Variants in KCNMA1 observed in about 807,000 individuals in gnomAD.
KCNMA1 encodes the protein Calcium-activated potassium channel subunit alpha-1.
KCNMA1 carries 29 observed loss-of-function variants against 140.0 expected under a neutral mutation model. That is an observed-to-expected ratio of 0.21 (90% CI 0.15 to 0.28). The LOEUF is 0.28. Among genes scored for constraint, KCNMA1 ranks in the 10% least tolerant of loss-of-function variants. The probability of loss-of-function intolerance (pLI) is 1.00; values close to 1 mark genes in which losing one functional copy is unlikely to be tolerated. For synonymous variants in KCNMA1, 612 were observed against 611.9 expected (o/e 1.00, Z 0.00); for missense variants, 880 against 1,602.2 (o/e 0.55, Z 7.70).
intron 1 of KCNMA1, among the ~76,000 whole-genome samples, chr10:77,446,724 C>T (rs527981188): frequency 2.3e-4 from 35 of 152,312 alleles, no homozygotes; most frequent in Admixed American, 1.3e-4. Context: ...GAAAGACAGG[C>T]TTCAGAAGAT....
At chr10:76,897,257 T>C (rs2042977334) in intron 25 of KCNMA1, among the ~76,000 whole-genome samples, 1 of 150,646 alleles carries the variant, frequency 6.6e-6, no homozygotes, top group Non-Finnish European at 1.5e-5. Context: ...AAATAACCTG[T>C]CCTGAGCTGG....
intron 1 of KCNMA1, among the ~76,000 whole-genome samples, chr10:77,548,760 T>A (rs2062026552): frequency 6.6e-6 from 1 of 152,184 alleles, no homozygotes; most frequent in Non-Finnish European, 1.5e-5. Flanking sequence ...TCTTCTTCTG[T>A]CAAATGGATT....
intron 1 of KCNMA1, among the ~76,000 whole-genome samples, chr10:77,514,054 T>C (rs1244716006): frequency 6.6e-6 from 1 of 152,262 alleles, no homozygotes; most frequent in Non-Finnish European, 1.5e-5. Flanking sequence ...TTTAGAAGTT[T>C]CGCAGGCTGA....
chr10:77,167,139 C>T (rs1597693812), intron 5 of KCNMA1, among the ~76,000 whole-genome samples: 1 of 152,166 alleles, frequency 6.6e-6, no homozygotes. Context: ...TCCTACCCTT[C>T]CCTGCCTCAG....
At chr10:77,314,109 A>T (rs1007247648) in intron 2 of KCNMA1, 2 of 152,210 alleles carry the variant, frequency 1.3e-5, no homozygotes, top group South Asian at 4.1e-4. Context: ...AGTACATCAC[A>T]TGTAGTAAAG....
chr10:76,870,571 G>A (rs1429548771), exon 28 of KCNMA1: 2 of 152,272 alleles, frequency 1.3e-5, no homozygotes, highest in African/African-American at 2.4e-5. Context: ...AAAGCAAGGT[G>A]GTCGTAGCAT....
intron 25 of KCNMA1, among the ~76,000 whole-genome samples, chr10:76,894,026 T>C (rs1046551236): frequency 6.6e-6 from 1 of 152,186 alleles, no homozygotes; most frequent in Non-Finnish European, 1.5e-5. Context: ...AGCAATCTTA[T>C]AGCCTTATAA....
chr10:77,166,698 T>A (rs2098646438), intron 5 of KCNMA1, among the ~76,000 whole-genome samples: 2 of 146,876 alleles, frequency 1.4e-5, no homozygotes, highest in Admixed American at 6.8e-5. Flanking sequence ...GGAGGAGGAG[T>A]TTTAACTGAA....
At chr10:77,247,564 C>T (rs2058812855) in intron 3 of KCNMA1, among the ~76,000 whole-genome samples, 1 of 152,070 alleles carries the variant, frequency 6.6e-6, no homozygotes, top group South Asian at 2.1e-4. Flanking sequence ...ACAGGGTTGG[C>T]GTTGGTGTCG....
chr10:77,570,614 C>G (rs1435231357), intron 1 of KCNMA1, among the ~76,000 whole-genome samples: 1 of 89,514 alleles, frequency 1.1e-5, no homozygotes, highest in Admixed American at 1.1e-4. Context: ...GGAGGGATAG[C>G]ATTGGGAGAT....
intron 2 of KCNMA1, among the ~76,000 whole-genome samples, chr10:77,364,941 G>A (rs1247501061): frequency 1.3e-5 from 2 of 152,170 alleles, no homozygotes; most frequent in African/African-American, 4.8e-5. Flanking sequence ...ATCTGAACCT[G>A]CTTACAAAGC....
rs41281554 is a variant in KCNMA1, at chr10:76,887,970, C to A, written c.3462-455G>T. On this transcript the variant is annotated intron_variant, in intron 27 of 27. Coordinates refer to ENST00000286628, the MANE Select transcript of KCNMA1 (RefSeq NM_001161352.2). ...ATTCTCGCTCTTTACCTTTTAAAAT[C>A]TACTTTGGTGAGAGAATTTGGAATT... The A allele has an allele frequency of 8.1e-3, 1,418 of 174,456 alleles. 14 individuals carry two copies. Among genetic ancestry groups the A allele is most frequent in the Non-Finnish European group, 9.5e-3 (760 of 80,306 alleles). The allele number at this position is 174,456 out of a possible 1,614,324, so 10.8% of individuals were successfully genotyped here.
At chr10:77,037,711 C>T (rs1447401180) in intron 15 of KCNMA1, among the ~76,000 whole-genome samples, 1 of 152,188 alleles carries the variant, frequency 6.6e-6, no homozygotes, top group Non-Finnish European at 1.5e-5. Flanking sequence ...ATAAGACTCC[C>T]GCAGGCGCTG....
chr10:76,937,015 C>A (rs1281710683), intron 23 of KCNMA1, among the ~76,000 whole-genome samples: 1 of 152,162 alleles, frequency 6.6e-6, no homozygotes, highest in African/African-American at 2.4e-5. Flanking sequence ...CAAGAACATG[C>A]TGGATATCCT....
chr10:77,462,418 T>A (rs770496263), intron 1 of KCNMA1, among the ~76,000 whole-genome samples: 1 of 152,158 alleles, frequency 6.6e-6, no homozygotes, highest in Non-Finnish European at 1.5e-5. Flanking sequence ...AACACAAATG[T>A]ATGCACTCAA....
intron 1 of KCNMA1, among the ~76,000 whole-genome samples, chr10:77,461,053 C>A (rs1450410988): frequency 6.6e-6 from 1 of 151,980 alleles, no homozygotes; most frequent in Non-Finnish European, 1.5e-5. Flanking sequence ...TTGCAGTAAG[C>A]CAAGATCACA....
intron 3 of KCNMA1, among the ~76,000 whole-genome samples, chr10:77,186,388 C>T (rs967877792): frequency 9.2e-5 from 13 of 140,722 alleles, no homozygotes; most frequent in South Asian, 2.2e-4. Context: ...CAAAAAAAAA[C>T]GACAATTGCC....
chr10:77,448,307 C>T (rs949986353), intron 1 of KCNMA1, among the ~76,000 whole-genome samples: 4 of 152,114 alleles, frequency 2.6e-5, no homozygotes, highest in Non-Finnish European at 5.9e-5. Flanking sequence ...CAGAAAAGGG[C>T]CAACATTTAT....
At chr10:76,966,631 C>T (rs995340349) in intron 20 of KCNMA1, among the ~76,000 whole-genome samples, 3 of 152,122 alleles carry the variant, frequency 2.0e-5, no homozygotes, top group Non-Finnish European at 4.4e-5. Context: ...CACCACCCCA[C>T]TAAGTAGGGA....
Sources: gnomAD v4.1 joint callset for allele counts (sites outside exome capture counted in the v4.1 genomes callset) on GRCh38, gnomAD v4.1.1 for gene constraint, MANE v1.5 for transcripts, NCBI Gene and HGNC (gene_info 2026-07-23, HGNC 2026-07-21) for gene names.